MEGF11: variants seen among roughly 807,000 people sequenced by gnomAD.
The protein encoded by MEGF11 is multiple epidermal growth factor-like domains protein 11.
A neutral mutation model predicts 146.6 loss-of-function variants in MEGF11; 126 were observed. That is an observed-to-expected ratio of 0.86 (90% CI 0.74 to 1.00). The LOEUF is 1.00. Ranked by LOEUF, MEGF11 falls within the 50% of genes least tolerant of loss-of-function variation. MEGF11 has a pLI of 0.00. For missense variants in MEGF11, 1,509 were observed against 1,521.2 expected, an observed-to-expected ratio of 0.99 and a Z score of 0.13; for synonymous variants, 532 against 583.4, an observed-to-expected ratio of 0.91 and a Z score of 1.27.
chr15:66,010,821 C>A (rs993688279), intron 5 of MEGF11, among the ~76,000 whole-genome samples: 1 of 152,192 alleles, frequency 6.6e-6, no homozygotes, highest in Non-Finnish European at 1.5e-5. Context: ...GCCAACTTAA[C>A]TGGGCTCCAG....
chr15:66,212,001 A>AGAAGGGTCGCAGGAGCCCTGCGAGAAC (rs2091467877), intron 1 of MEGF11, among the ~76,000 whole-genome samples: 1 of 282 alleles, frequency 3.5e-3, no homozygotes, highest in Non-Finnish European at 6.0e-3. Flanking sequence ...TCTCAAAAGC[A>AGAAGGGTCGCAGGAGCCCTGCGAGAAC]TTTAGCTGAG....
intron 5 of MEGF11, among the ~76,000 whole-genome samples, chr15:66,072,358 G>T (rs2085404277): frequency 6.6e-6 from 1 of 152,112 alleles, no homozygotes; most frequent in Non-Finnish European, 1.5e-5. Context: ...TCCCATGAGG[G>T]CCTTCCCTGA....
chr15:66,115,888 G>T (rs867861227), intron 4 of MEGF11, among the ~76,000 whole-genome samples: 1 of 152,176 alleles, frequency 6.6e-6, no homozygotes, highest in Non-Finnish European at 1.5e-5. Flanking sequence ...GCCCAGCCCC[G>T]GAAGGAAGCA....
At chr15:66,105,502 C>T (rs955773879) in intron 4 of MEGF11, among the ~76,000 whole-genome samples, 1 of 152,220 alleles carries the variant, frequency 6.6e-6, no homozygotes, top group Middle Eastern at 3.2e-3. Context: ...GGAGCTCTTT[C>T]TACCTGACAC....
chr15:65,971,808 A>C lies in MEGF11; in HGVS notation c.763-1119T>G, dbSNP rs144201631. ...CCAGATATTTGAAATAGGCCCTCAC[A>C]TGAAAGAGAAACACTGAAATAAACA... On this transcript the variant is annotated intron_variant, in intron 7 of 25. Coordinates refer to ENST00000395614, the MANE Select transcript of MEGF11 (RefSeq NM_001385028.1). Among the ~76,000 whole-genome samples, 8 of 152,266 alleles carry C rather than the reference A, an allele frequency of 5.3e-5. No individual in the cohort carries two copies. The East Asian group carries it at 1.5e-3, about 29-fold the overall frequency.
At chr15:66,016,332 A>G (rs1192038229) in intron 5 of MEGF11, among the ~76,000 whole-genome samples, 2 of 152,216 alleles carry the variant, frequency 1.3e-5, no homozygotes, top group East Asian at 3.8e-4. Context: ...GTACACTGCC[A>G]TCAGAGAGCA....
intron 4 of MEGF11, among the ~76,000 whole-genome samples, chr15:66,110,358 G>A (rs988232591): frequency 1.3e-5 from 2 of 152,160 alleles, no homozygotes; most frequent in African/African-American, 4.8e-5. Context: ...CATCACCTGG[G>A]TCTCAGCTAC....
intron 5 of MEGF11, among the ~76,000 whole-genome samples, chr15:66,010,200 C>CTTTT (rs112970231): frequency 7.3e-6 from 1 of 137,534 alleles, no homozygotes. Flanking sequence ...CTCATAATTT[C>CTTTT]TTTTTTTTTT....
chr15:66,078,332 C>T (rs566749744), intron 5 of MEGF11, among the ~76,000 whole-genome samples: 13 of 152,378 alleles, frequency 8.5e-5, no homozygotes, highest in African/African-American at 3.1e-4. Flanking sequence ...CACAGCCCTG[C>T]ATCGTGGCGG....
At chr15:65,957,811 A>G in intron 9 of MEGF11, 90 bp from the exon 10 acceptor site, 1 of 1,282,954 alleles carries the variant, frequency 7.8e-7, no homozygotes, top group Non-Finnish European at 1.1e-6. Context: ...TGGCTTGCCT[A>G]GGGTAGCAGG....
chr15:66,132,763 A>C (rs989377732), intron 1 of MEGF11, among the ~76,000 whole-genome samples: 1 of 152,090 alleles, frequency 6.6e-6, no homozygotes, highest in African/African-American at 2.4e-5. Context: ...ACCACTTTGG[A>C]AATTTCTCCC....
At chr15:66,133,701 T>A (rs1310476717) in intron 1 of MEGF11, among the ~76,000 whole-genome samples, 2 of 152,162 alleles carry the variant, frequency 1.3e-5, no homozygotes, top group African/African-American at 4.8e-5. Flanking sequence ...CTTCGTCCTT[T>A]GCCTTGATGA....
intron 5 of MEGF11, among the ~76,000 whole-genome samples, chr15:66,035,140 T>C (rs1038669995): frequency 2.6e-5 from 4 of 152,234 alleles, no homozygotes; most frequent in Admixed American, 6.5e-5. Flanking sequence ...GGTTGTTGTG[T>C]AGTTTAAATG....
chr15:66,143,393 G>A (rs1428231074), intron 1 of MEGF11, among the ~76,000 whole-genome samples: 1 of 152,184 alleles, frequency 6.6e-6, no homozygotes, highest in Non-Finnish European at 1.5e-5. Context: ...GGAGCATGCT[G>A]GATTAGGCCC....
chr15:65,907,433 T>C (rs1276752016), intron 23 of MEGF11, among the ~76,000 whole-genome samples: 2 of 152,178 alleles, frequency 1.3e-5, no homozygotes, highest in African/African-American at 4.8e-5. Context: ...TAGCTGGGAC[T>C]ACAGGCATGC....
At chr15:65,957,512 G>A (rs2080697944) in intron 10 of MEGF11, 35 bp downstream of exon 10, 1 of 1,598,594 alleles carries the variant, frequency 6.3e-7, no homozygotes, top group Non-Finnish European at 8.5e-7. Context: ...CCCGGTGGAG[G>A]TCAGGAAGGC....
At chr15:66,053,513 A>G (rs1340919110) in intron 5 of MEGF11, among the ~76,000 whole-genome samples, 1 of 152,004 alleles carries the variant, frequency 6.6e-6, no homozygotes, top group East Asian at 1.9e-4. Context: ...CCCCAACCCA[A>G]CAGCAGTTTT....
At chr15:66,143,786 T>C (rs940728109) in intron 1 of MEGF11, among the ~76,000 whole-genome samples, 10 of 152,180 alleles carry the variant, frequency 6.6e-5, no homozygotes, top group African/African-American at 2.2e-4. Context: ...GCAGAGACCA[T>C]TCCTTACCTC....
At chr15:65,977,247 G>A (rs1009932931) in intron 7 of MEGF11, among the ~76,000 whole-genome samples, 1 of 151,594 alleles carries the variant, frequency 6.6e-6, no homozygotes, top group South Asian at 2.1e-4. Context: ...GGCCATGCCA[G>A]CTCTCCTGGA....
Sources: gnomAD v4.1 joint callset for allele counts (sites outside exome capture counted in the v4.1 genomes callset) on GRCh38, gnomAD v4.1.1 for gene constraint, MANE v1.5 for transcripts, NCBI Gene and HGNC (gene_info 2026-07-23, HGNC 2026-07-21) for gene names.